Variants in CASD1 observed in about 807,000 individuals in gnomAD.
CASD1 encodes the protein CAS1 domain sialic acid O acetyltransferase 1.
CASD1 carries 41 observed loss-of-function variants against 100.0 expected under a neutral mutation model. That is an observed-to-expected ratio of 0.41 (90% CI 0.32 to 0.53). The LOEUF (loss-of-function observed/expected upper bound fraction) is 0.53. Among genes scored for constraint, CASD1 ranks in the 20% least tolerant of loss-of-function variants. The pLI is 0.25. For missense variants in CASD1, 774 were observed against 948.7 expected, an observed-to-expected ratio of 0.82 and a Z score of 2.42; for synonymous variants, 321 against 315.6, an observed-to-expected ratio of 1.02 and a Z score of -0.18.
intron 5 of CASD1, among the ~76,000 whole-genome samples, chr7:94,529,015 G>A (rs1794718825): frequency 6.6e-6 from 1 of 151,786 alleles, no homozygotes; most frequent in Non-Finnish European, 1.5e-5. Context: ...ATAGGCTTTT[G>A]TAGGATCCTG....
At chr7:94,599,085 T>C in the CASD1 span, 1 of 690,940 alleles carries the variant, frequency 1.4e-6, no homozygotes. Context: ...TATGGCACTT[T>C]GGGCATTCAA....
chr7:94,531,468 G>GA (rs1794848285), intron 5 of CASD1, among the ~76,000 whole-genome samples: 1 of 152,120 alleles, frequency 6.6e-6, no homozygotes, highest in South Asian at 2.1e-4. Flanking sequence ...TTTATGCTGA[G>GA]AAGGAGGGCA....
chr7:94,576,600 A>G, the CASD1 span, among the ~76,000 whole-genome samples: 59 of 152,308 alleles, frequency 3.9e-4, no homozygotes, highest in African/African-American at 1.4e-3. Context: ...GGTCATTCAT[A>G]TGGGCACTGC....
chr7:94,580,420 C>A, the CASD1 span, among the ~76,000 whole-genome samples: 5 of 152,180 alleles, frequency 3.3e-5, no homozygotes, highest in African/African-American at 1.2e-4. Context: ...TAATGCTCTT[C>A]TATCTGCCTC....
intron 15 of CASD1, chr7:94,551,821 T>A (rs1338509695): frequency 6.5e-6 from 1 of 154,658 alleles, no homozygotes; most frequent in Non-Finnish European, 1.4e-5. Flanking sequence ...TTTTTAAAAT[T>A]GTTTGTTTTT....
chr7:94,510,272 C>A, intron 1 of CASD1, 55 bp downstream of exon 1: 1 of 1,284,574 alleles, frequency 7.8e-7, no homozygotes, highest in Non-Finnish European at 1.0e-6. Context: ...GGCGACGCGG[C>A]GGCTGGAGGC....
At chr7:94,601,029 CAAATG>C in the CASD1 span, among the ~76,000 whole-genome samples, 3 of 152,222 alleles carry the variant, frequency 2.0e-5, no homozygotes, top group Non-Finnish European at 2.9e-5. Flanking sequence ...GGGAATGTAA[CAAATG>C]AAAGTAATAA....
At chr7:94,543,917 A>T (rs1257060158) in intron 10 of CASD1, among the ~76,000 whole-genome samples, 1 of 152,206 alleles carries the variant, frequency 6.6e-6, no homozygotes, top group Non-Finnish European at 1.5e-5. Flanking sequence ...GAAGACAGTG[A>T]TGTAGGAGCA....
the CASD1 span, among the ~76,000 whole-genome samples, chr7:94,608,976 GA>G: frequency 6.6e-6 from 1 of 152,168 alleles, no homozygotes; most frequent in Non-Finnish European, 1.5e-5. Context: ...GAAGATAATA[GA>G]GGAGAAAATC....
chr7:94,591,092 A>G, the CASD1 span, among the ~76,000 whole-genome samples: 1 of 152,234 alleles, frequency 6.6e-6, no homozygotes, highest in Non-Finnish European at 1.5e-5. Flanking sequence ...ATCCTTGTGT[A>G]GGCTAGAGGA....
chr7:94,551,422 CT>C lies in CASD1; in HGVS notation c.1906del (p.Ser636GlnfsTer13). On this transcript the variant is annotated frameshift_variant, in exon 15 of 18. Coordinates refer to ENST00000297273, the MANE Select transcript of CASD1 (RefSeq NM_022900.5). LOFTEE classifies it high-confidence loss of function. ...QILSEGKGEPLFSNKISNFLL... is the reference protein window; with the variant it reads ...QILSEGKGEPXFSNKISNFLL... ...ACTTTCTGAAGGAAAGGGTGAACCT[CT>C]TTTTTCAAACAAAATTTCAAATTTT... 1 of 1,536,026 alleles carries C rather than the reference CT, an allele frequency of 6.5e-7. No homozygotes were observed. Among genetic ancestry groups the C allele is most frequent in the Non-Finnish European group, 8.7e-7 (1 of 1,149,632 alleles).
At chr7:94,519,339 C>T (rs944082217) in intron 3 of CASD1, among the ~76,000 whole-genome samples, 2 of 151,956 alleles carry the variant, frequency 1.3e-5, no homozygotes, top group African/African-American at 2.4e-5. Flanking sequence ...GGGGGAAAGT[C>T]GAACACAAGA....
At chr7:94,527,293 A>G (rs977964777) in intron 4 of CASD1, 87 bp downstream of exon 4, 2 of 987,756 alleles carry the variant, frequency 2.0e-6, no homozygotes, top group Admixed American at 1.9e-5. Context: ...ATTTCAATGT[A>G]TTCTTGAGAG....
At chr7:94,623,817 C>T in the CASD1 span, 1 of 368,582 alleles carries the variant, frequency 2.7e-6, no homozygotes, top group Admixed American at 4.5e-5. Flanking sequence ...ACAAGCATAT[C>T]TTTGTGTTTT....
rs767299481 is a variant in CASD1, at chr7:94,537,670, G to C, written c.1042G>C (p.Glu348Gln). Reference sequence around the variant, plus strand: ...GAAGAATAAGCCGTGTACTGATTTGGAAAGTGGAGAGGAAAAGAAAAATAT... The same window carrying C: ...GAAGAATAAGCCGTGTACTGATTTGCAAAGTGGAGAGGAAAAGAAAAATAT... Reference protein sequence around the residue: ...HRKNKPCTDLESGEEKKNIIN... With the variant: ...HRKNKPCTDLQSGEEKKNIIN... The change falls in exon 9 of 18, where the codon GAA (glutamate) becomes CAA (glutamine). Residue 348 changes from glutamate to glutamine, a missense_variant. This residue lies in a region of CASD1 where 453 missense variants were observed against 532.6 expected (regional missense o/e 0.85). Transcript: ENST00000297273. 2 of 1,613,672 alleles carry C rather than the reference G, an allele frequency of 1.2e-6. No homozygotes were observed. The highest frequency in any genetic ancestry group is 1.1e-5 in the South Asian group (1 of 91,070).
rs1464189559 is a variant in CASD1 at position 94,537,915 on chromosome 7, AACTCATGTT to A, written c.1266+24_1266+32del. 3 of 1,301,838 alleles carry A rather than the reference AACTCATGTT, an allele frequency of 2.3e-6. No homozygotes were observed. In the Admixed American group the frequency reaches 5.6e-5, roughly 24 times the overall value. The allele number at this position is 1,301,838 out of a possible 1,614,324, so 80.6% of individuals were successfully genotyped here. A position where few individuals can be genotyped will look rare whatever the true frequency, so the allele number is the denominator to read the frequency against. ...AAGAGGTAAGAGTCATTTTCTTTTT[AACTCATGTT>A]ACCCTTCTTGTCTCATTACATACTC... is the stretch of plus-strand genomic sequence containing the variant. On this transcript the variant is annotated intron_variant, in intron 9 of 17. Transcript: ENST00000297273.
At chr7:94,544,618 C>G in intron 11 of CASD1, 88 bp downstream of exon 11, 2 of 1,292,338 alleles carry the variant, frequency 1.5e-6, no homozygotes, top group Non-Finnish European at 2.1e-6. Context: ...TAAATATAGT[C>G]ATTATAAGAC....
In CASD1 at chr7:94,537,785, G is replaced by A. The variant is rs371554475; in HGVS notation, c.1157G>A (p.Arg386His). ...LIMAYFYMCD[R>H]ANLFMKENKF... The stretch of plus-strand genomic sequence containing the variant: ...ATGGCATATTTCTATATGTGTGACC[G>A]TGCAAATCTGTTCATGAAGGAAAAC... Residue 386 changes from arginine (R) to histidine (H), a missense_variant, in exon 9 of 18, where the codon CGT (arginine) becomes CAT (histidine). Physicochemically the swap from Arg to His is conservative, Grantham distance 29. This residue lies in a region of CASD1 where 453 missense variants were observed against 532.6 expected (regional missense o/e 0.85). Transcript: ENST00000297273. The A allele has an allele frequency of 2.6e-5, 42 of 1,612,640 alleles. No individual in the cohort carries two copies. Among genetic ancestry groups the A allele is most frequent in the South Asian group, 4.4e-5 (4 of 91,034 alleles).
the CASD1 span, among the ~76,000 whole-genome samples, chr7:94,575,368 T>C: frequency 7.2e-5 from 11 of 152,224 alleles, no homozygotes; most frequent in African/African-American, 2.4e-4. Flanking sequence ...TGAGTGATTC[T>C]CTTAGTCTTA....
Sources: allele counts gnomAD v4.1 joint callset (sites outside exome capture counted in the v4.1 genomes callset), GRCh38; gene constraint gnomAD v4.1.1; regional missense constraint gnomAD v4.1.1; transcripts MANE v1.5; gene names NCBI Gene and HGNC (gene_info 2026-07-23, HGNC 2026-07-21).